ADAMTSL3: variants seen among roughly 807,000 people sequenced by gnomAD.
ADAMTSL3 encodes ADAMTS like 3, also known as ADAMTS-like protein 3.
In ADAMTSL3, 128 loss-of-function variants were observed where a neutral mutation model predicts 201.7. The ratio of observed to expected loss-of-function variants is 0.63; its 90% CI spans 0.55 to 0.73. ADAMTSL3 has a LOEUF of 0.73. Among genes scored for constraint, ADAMTSL3 ranks in the 30% least tolerant of loss-of-function variants. ADAMTSL3 has a pLI of 0.00. For synonymous variants in ADAMTSL3, 738 were observed against 748.4 expected, an observed-to-expected ratio of 0.99 and a Z score of 0.23; for missense variants, 1,990 against 2,119.6, an observed-to-expected ratio of 0.94 and a Z score of 1.20.
intron 23 of ADAMTSL3, among the ~76,000 whole-genome samples, chr15:84,010,905 TTCTC>T (rs1291263453): frequency 6.6e-6 from 1 of 152,194 alleles, no homozygotes; most frequent in Non-Finnish European, 1.5e-5. Flanking sequence ...TATCTTCCCT[TTCTC>T]TCCAGTCTAC....
At chr15:83,763,040 T>C (rs1183156707) in intron 3 of ADAMTSL3, among the ~76,000 whole-genome samples, 1 of 151,986 alleles carries the variant, frequency 6.6e-6, no homozygotes, top group East Asian at 1.9e-4. Context: ...GTGCACACCA[T>C]TACACTTGAC....
intron 26 of ADAMTSL3, 35 bp downstream of exon 26, chr15:84,021,628 C>G (rs758169338): frequency 6.3e-7 from 1 of 1,596,666 alleles, no homozygotes; most frequent in South Asian, 1.1e-5. Flanking sequence ...TCATCAACAC[C>G]AAGTTTTTGT....
chr15:83,876,625 TTTTTGTTTTG>T lies in ADAMTSL3; in HGVS notation c.960+5682_960+5691del, dbSNP rs931943034. ...CTTTTTGTTGTTGTTTGTTTGTGGG[TTTTTGTTTTG>T]TTTTGTTTTGTTTTGAGATGCAGTC... On this transcript the variant is annotated intron_variant, in intron 9 of 29. Coordinates refer to ENST00000286744, the MANE Select transcript of ADAMTSL3 (RefSeq NM_207517.3). Among the ~76,000 whole-genome samples the T allele has an allele frequency of 7.9e-5, 12 of 152,154 alleles. No homozygotes were observed. The East Asian group carries it at 1.4e-3, about 17-fold the overall frequency.
intron 9 of ADAMTSL3, among the ~76,000 whole-genome samples, chr15:83,875,566 T>C (rs1182964580): frequency 6.6e-6 from 1 of 151,984 alleles, no homozygotes. Flanking sequence ...AGGCAGATCA[T>C]GAGATCAGGA....
intron 8 of ADAMTSL3, among the ~76,000 whole-genome samples, chr15:83,868,579 A>G (rs1303550234): frequency 6.6e-6 from 1 of 151,928 alleles, no homozygotes; most frequent in African/African-American, 2.4e-5. Flanking sequence ...TTCTTCACCC[A>G]CCTTTGACTC....
chr15:83,656,844 G>A (rs914435752), intron 2 of ADAMTSL3, among the ~76,000 whole-genome samples: 5 of 152,218 alleles, frequency 3.3e-5, no homozygotes, highest in African/African-American at 1.2e-4. Flanking sequence ...CATGAATGAA[G>A]ATATATACCC....
At chr15:83,879,105 C>T (rs1343195874) in intron 9 of ADAMTSL3, among the ~76,000 whole-genome samples, 5 of 152,114 alleles carry the variant, frequency 3.3e-5, no homozygotes, top group African/African-American at 1.2e-4. Flanking sequence ...TGTAGTATGT[C>T]CTCTTTCTCA....
intron 3 of ADAMTSL3, among the ~76,000 whole-genome samples, chr15:83,770,712 C>T (rs1205691961): frequency 6.6e-6 from 1 of 152,210 alleles, no homozygotes; most frequent in South Asian, 2.1e-4. Flanking sequence ...TTTTAACATA[C>T]ATTTCTAATA....
intron 2 of ADAMTSL3, among the ~76,000 whole-genome samples, chr15:83,676,430 G>C (rs2061406216): frequency 6.6e-6 from 1 of 152,078 alleles, no homozygotes; most frequent in Non-Finnish European, 1.5e-5. Flanking sequence ...TGTAATCCTA[G>C]CACTTTGGGA....
At chr15:83,655,484 G>A (rs893080081) in intron 1 of ADAMTSL3, among the ~76,000 whole-genome samples, 5 of 152,224 alleles carry the variant, frequency 3.3e-5, no homozygotes, top group African/African-American at 1.2e-4. Context: ...AGCTTCTGAA[G>A]AGCTGGAGGT....
chr15:83,953,985 T>C (rs948216060), intron 19 of ADAMTSL3, among the ~76,000 whole-genome samples: 2 of 152,224 alleles, frequency 1.3e-5, no homozygotes, highest in Admixed American at 1.3e-4. Flanking sequence ...CTTTGGGAGT[T>C]TGACTATTAA....
intron 20 of ADAMTSL3, among the ~76,000 whole-genome samples, chr15:83,973,993 A>G (rs954587100): frequency 1.3e-5 from 2 of 152,114 alleles, no homozygotes; most frequent in Non-Finnish European, 2.9e-5. Flanking sequence ...CAGGTGGGAA[A>G]GATGTCTTCT....
intron 7 of ADAMTSL3, among the ~76,000 whole-genome samples, chr15:83,850,376 A>G (rs1167027943): frequency 6.6e-6 from 1 of 151,826 alleles, no homozygotes; most frequent in Non-Finnish European, 1.5e-5. Context: ...CATCTTAAAT[A>G]AAAGTATAAT....
chr15:83,927,851 C>T (rs2066278155), intron 17 of ADAMTSL3, among the ~76,000 whole-genome samples: 1 of 152,102 alleles, frequency 6.6e-6, no homozygotes, highest in South Asian at 2.1e-4. Context: ...GATTTCCAGT[C>T]CCTCCACTAG....
At chr15:83,843,584 G>A (rs1293462962) in intron 7 of ADAMTSL3, among the ~76,000 whole-genome samples, 1 of 152,156 alleles carries the variant, frequency 6.6e-6, no homozygotes, top group Non-Finnish European at 1.5e-5. Context: ...AAGAAATGTA[G>A]GAAATGAAGC....
chr15:83,986,663 A>G (rs762525215), intron 21 of ADAMTSL3, among the ~76,000 whole-genome samples: 1 of 152,178 alleles, frequency 6.6e-6, no homozygotes, highest in Non-Finnish European at 1.5e-5. Flanking sequence ...AATCTTACAA[A>G]TCTTTTCAGT....
intron 15 of ADAMTSL3, among the ~76,000 whole-genome samples, chr15:83,903,954 A>ATG (rs1258829960): frequency 1.7e-5 from 1 of 57,626 alleles, no homozygotes; most frequent in Non-Finnish European, 3.1e-5. Context: ...AGAAAAAAGA[A>ATG]AGAAAGAAAG....
At chr15:83,840,020 C>T (rs2064345004) in intron 7 of ADAMTSL3, among the ~76,000 whole-genome samples, 1 of 151,982 alleles carries the variant, frequency 6.6e-6, no homozygotes, top group South Asian at 2.1e-4. Flanking sequence ...GATAGCAAAA[C>T]CCCTTGTTGG....
intron 25 of ADAMTSL3, among the ~76,000 whole-genome samples, chr15:84,017,349 C>A (rs1216774020): frequency 1.3e-5 from 2 of 152,188 alleles, no homozygotes; most frequent in East Asian, 3.9e-4. Flanking sequence ...GATCTCCTGA[C>A]CTCGTGATCC....
Sources: gnomAD v4.1 joint callset for allele counts (sites outside exome capture counted in the v4.1 genomes callset) on GRCh38, gnomAD v4.1.1 for gene constraint, MANE v1.5 for transcripts, NCBI Gene and HGNC (gene_info 2026-07-23, HGNC 2026-07-21) for gene names.